The following MYRF variants were observed in gnomAD, a reference collection of about 807,000 sequenced individuals.
MYRF encodes the protein myelin regulatory factor.
A neutral mutation model predicts 126.3 loss-of-function variants in MYRF; 16 were observed. The ratio of observed to expected loss-of-function variants is 0.13; its 90% CI spans 0.09 to 0.19. MYRF has a LOEUF of 0.19. MYRF is among the 10% of genes least tolerant of loss of function. The pLI is 1.00. For missense variants in MYRF, 1,104 were observed against 1,547.0 expected (o/e 0.71, Z 4.80); for synonymous variants, 608 against 635.3 (o/e 0.96, Z 0.65).
At chr11:61,771,361 G>A (rs1213724393) in intron 5 of MYRF, 139 bp from the exon 6 acceptor site, 6 of 1,181,902 alleles carry the variant, frequency 5.1e-6, no homozygotes, top group Non-Finnish European at 7.0e-6. Context: ...CAAAGCCTGA[G>A]GGCTTCCTGA....
Position 61,778,153 on chromosome 11 carries a change from C to G in MYRF, c.1904-227C>G, listed in dbSNP as rs1413689008. Reference sequence around the variant, plus strand: ...CCCACTTGCCCTGGGATCCTTACCCCCAGGAATCCGCCCCACCCCAGCCCA... The same window carrying G: ...CCCACTTGCCCTGGGATCCTTACCCGCAGGAATCCGCCCCACCCCAGCCCA... On this transcript the variant is annotated intron_variant, in intron 13 of 26. Coordinates refer to ENST00000278836, the MANE Select transcript of MYRF (RefSeq NM_001127392.3). This position sits in a 1 kb window ranked among gnomAD's most constrained non-coding sequence, Gnocchi z 4.6. Among the ~76,000 whole-genome samples, 3 of 152,276 alleles carry G rather than the reference C, an allele frequency of 2.0e-5. No homozygotes were observed. The highest frequency in any genetic ancestry group is 2.0e-4 in the Admixed American group (3 of 15,308).
chr11:61,762,311 AGTT>A (rs1430371160), intron 1 of MYRF, among the ~76,000 whole-genome samples: 2 of 152,088 alleles, frequency 1.3e-5, no homozygotes, highest in Admixed American at 1.3e-4. Context: ...AGCAGTGGGA[AGTT>A]GTTGAAGGGT....
At position 61,779,875 on chromosome 11, in the gene MYRF, A is replaced by C; in HGVS notation, c.2281A>C (p.Ser761Arg). 6.2e-7 allele frequency: 1 copy of C among 1,614,132 alleles called. No homozygotes were observed. Among genetic ancestry groups the C allele is most frequent in the East Asian group, 2.2e-5 (1 of 44,876 alleles). ...CGTGGTTCCGGACCAGGCCTGCATC[A>C]GCCAGCGCTTCCTGCAGGGAACCAT... ...SSVVPDQACI[S>R]QRFLQGTIIA... The change falls in exon 17 of 27, where the codon AGC (serine) becomes CGC (arginine). Residue 761 changes from serine to arginine, a missense_variant. Transcript: ENST00000278836.
intron 22 of MYRF, chr11:61,782,153 C>T (rs1162025238): frequency 2.1e-5 from 6 of 286,732 alleles, no homozygotes; most frequent in East Asian, 5.7e-5. Context: ...GCTCCTCCTT[C>T]GCCATGCCAG....
rs768753742 is a variant in MYRF at position 61,771,554 on chromosome 11, C to A, written c.795C>A (p.Thr265=). 4 of 1,613,986 alleles carry A rather than the reference C, an allele frequency of 2.5e-6. No individual in the cohort carries two copies. In the South Asian group the frequency reaches 4.4e-5, roughly 18 times the overall value. The change falls in exon 6 of 27, where the codon ACC becomes ACA. Residue 265 remains threonine, a synonymous_variant. Transcript: ENST00000278836. ...KRKHSESPPS[T]LNAQMLNGMI... ...AGCACTCTGAATCCCCCCCCAGCAC[C>A]CTCAATGCCCAGATGCTGAATGGAA...
chr11:61,759,800 C>T (rs934272326), intron 1 of MYRF, among the ~76,000 whole-genome samples: 4 of 152,138 alleles, frequency 2.6e-5, no homozygotes, highest in South Asian at 2.1e-4. Flanking sequence ...GATAGAAAAA[C>T]GGCTCAAGAG....
chr11:61,779,395 A>G lies in MYRF; in HGVS notation c.2146A>G (p.Lys716Glu). 6.4e-7 allele frequency: 1 copy of G among 1,551,276 alleles called. No homozygotes were observed. Among genetic ancestry groups the G allele is most frequent in the South Asian group, 1.2e-5 (1 of 84,052 alleles). ...LAKLRRLDSL[K>E]STGSSGAFSH... ...CAAGCTGCGGCGGCTCGACAGCCTC[A>G]AGTCCACCGGCAGCTCGGGCGCCTT... is the stretch of plus-strand genomic sequence containing the variant. The change falls in exon 15 of 27, where the codon AAG (lysine) becomes GAG (glutamate). Residue 716 changes from lysine to glutamate, a missense_variant. Physicochemically the swap from Lys to Glu is moderately conservative, Grantham distance 56. Coordinates refer to ENST00000278836, the MANE Select transcript of MYRF (RefSeq NM_001127392.3).
intron 1 of MYRF, among the ~76,000 whole-genome samples, chr11:61,763,528 A>T (rs926257901): frequency 6.6e-6 from 1 of 152,186 alleles, no homozygotes; most frequent in Non-Finnish European, 1.5e-5. Context: ...TGAGTAACAC[A>T]CCGCAGGTGA....
chr11:61,780,474 G>C (rs1258421590), intron 18 of MYRF, among the ~76,000 whole-genome samples, 184 bp downstream of exon 18: 2 of 152,162 alleles, frequency 1.3e-5, no homozygotes, highest in Non-Finnish European at 2.9e-5. Context: ...CCCAGTCCCT[G>C]CTGACGCTGA....
rs143970369 is a variant in MYRF, at chr11:61,786,102, G to A, written c.3415G>A (p.Ala1139Thr). 1.2e-6 allele frequency: 2 copies of A among 1,614,090 alleles called. No individual in the cohort carries two copies. Among genetic ancestry groups the A allele is most frequent in the African/African-American group, 1.3e-5 (1 of 74,938 alleles). The change falls in exon 27 of 27, where the codon GCC (alanine) becomes ACC (threonine). Residue 1139 changes from alanine to threonine, a missense_variant. Coordinates refer to ENST00000278836, the MANE Select transcript of MYRF (RefSeq NM_001127392.3). This position sits in a 1 kb window ranked among gnomAD's most constrained non-coding sequence, Gnocchi z 4.5. ...NCSSEALAQP[A>T]TDYHFHFYRL... ...CAGTTCAGAGGCTCTCGCCCAGCCAGCCACAGACTACCACTTCCACTTCTA... is the reference window on the plus strand; with the variant it reads ...CAGTTCAGAGGCTCTCGCCCAGCCAACCACAGACTACCACTTCCACTTCTA...
rs770255152 is a variant in MYRF, at chr11:61,781,181, C to T, written c.2616C>T (p.Arg872=). 2 of 1,614,016 alleles carry T rather than the reference C, an allele frequency of 1.2e-6. No homozygotes were observed. Among genetic ancestry groups the T allele is most frequent in the East Asian group, 2.2e-5 (1 of 44,888 alleles). ...LTSSAPGSAV[R]TLDMCSSHPC... ...GCTCGGCCCCAGGTTCTGCTGTCCG[C>T]ACCTTGGACATGTGTTCCAGCCACC... Residue 872 remains arginine, a synonymous_variant, in exon 21 of 27, where the codon CGC becomes CGT. Transcript: ENST00000278836.
Position 61,786,439 on chromosome 11 carries a change from C to G in MYRF, c.*296C>G. On this transcript the variant is annotated 3_prime_UTR_variant, in exon 27 of 27. Coordinates refer to ENST00000278836, the MANE Select transcript of MYRF (RefSeq NM_001127392.3). This position sits in a 1 kb window ranked among gnomAD's most constrained non-coding sequence, Gnocchi z 4.5. ...CTTTCCAGATATGGTGGTTGGAGGGCTGGTTCAGGTGCCCTGGAGGGAAGG... is the reference window on the plus strand; with the variant it reads ...CTTTCCAGATATGGTGGTTGGAGGGGTGGTTCAGGTGCCCTGGAGGGAAGG... 1 of 441,718 alleles carries G rather than the reference C, an allele frequency of 2.3e-6. No individual in the cohort carries two copies. Among genetic ancestry groups the G allele is most frequent in the East Asian group, 4.1e-5 (1 of 24,472 alleles). 27.4% of individuals were successfully genotyped at this position (441,718 alleles called of 1,614,324 possible). A position where few individuals can be genotyped will look rare whatever the true frequency, so the allele number is the denominator to read the frequency against.
chr11:61,786,301 G>A lies in MYRF; in HGVS notation c.*158G>A. ...TGAAACTGGAAGTCTTCACACTGGAGTTGCTGTTCCAGCTGGTCGCCCCTC... is the reference window on the plus strand; with the variant it reads ...TGAAACTGGAAGTCTTCACACTGGAATTGCTGTTCCAGCTGGTCGCCCCTC... On this transcript the variant is annotated 3_prime_UTR_variant, in exon 27 of 27. Coordinates refer to ENST00000278836, the MANE Select transcript of MYRF (RefSeq NM_001127392.3). This position sits in a 1 kb window ranked among gnomAD's most constrained non-coding sequence, Gnocchi z 4.5. 2.8e-6 allele frequency: 2 copies of A among 719,726 alleles called. No individual in the cohort carries two copies. The highest frequency in any genetic ancestry group is 4.7e-6 in the Non-Finnish European group (2 of 428,296). The allele number at this position is 719,726 out of a possible 1,614,324, so 44.6% of individuals were successfully genotyped here.
rs752053715 is a variant in MYRF at position 61,783,815 on chromosome 11, T to C, written c.3120-36T>C. 1.3e-6 allele frequency: 2 copies of C among 1,561,780 alleles called. No homozygotes were observed. Among genetic ancestry groups the C allele is most frequent in the Admixed American group, 1.9e-5 (1 of 52,822 alleles). On this transcript the variant is annotated intron_variant, in intron 23 of 26. Coordinates refer to ENST00000278836, the MANE Select transcript of MYRF (RefSeq NM_001127392.3). This position sits in a 1 kb window ranked among gnomAD's most constrained non-coding sequence, Gnocchi z 4.6. ...CTGGTGGGGGTGGGGGGTGGCAGGG[T>C]ACCCTCAGGCTAAGGTGCCAGTTTT...
In MYRF at chr11:61,783,274, C is replaced by A; in HGVS notation, c.3017-224C>A. 1 of 437,704 alleles carries A rather than the reference C, an allele frequency of 2.3e-6. No homozygotes were observed. Among genetic ancestry groups the A allele is most frequent in the South Asian group, 3.5e-5 (1 of 28,612 alleles). 27.1% of individuals were successfully genotyped at this position (437,704 alleles called of 1,614,324 possible). A position where few individuals can be genotyped will look rare whatever the true frequency, so the allele number is the denominator to read the frequency against. On this transcript the variant is annotated intron_variant, in intron 22 of 26. Transcript: ENST00000278836. This position sits in a 1 kb window ranked among gnomAD's most constrained non-coding sequence, Gnocchi z 4.6. ...AGACCCATCCCTACTTCTGGGTGTT[C>A]CAGTTCTTTTGAGGAGGCAGACGTC... is the stretch of plus-strand genomic sequence containing the variant.
At position 61,774,101 on chromosome 11, in the gene MYRF, T is replaced by C. The variant is rs765907122; in HGVS notation, c.1250T>C (p.Val417Ala). Reference sequence around the variant, plus strand: ...GGCATGCTGGGCGAGCCCAAGTACGTCAAGACGCCCGAGGGCCTCAAGCCC... The same window carrying C: ...GGCATGCTGGGCGAGCCCAAGTACGCCAAGACGCCCGAGGGCCTCAAGCCC... ...YIGMLGEPKY[V>A]KTPEGLKPLD... Residue 417 changes from valine (V) to alanine (A), a missense_variant, in exon 8 of 27, where the codon GTC becomes GCC. Transcript: ENST00000278836. 6.2e-7 allele frequency: 1 copy of C among 1,613,712 alleles called. No homozygotes were observed. Among genetic ancestry groups the C allele is most frequent in the Non-Finnish European group, 8.5e-7 (1 of 1,179,896 alleles).
At chr11:61,768,296 C>T (rs1365751949) in intron 3 of MYRF, among the ~76,000 whole-genome samples, 2 of 152,144 alleles carry the variant, frequency 1.3e-5, no homozygotes, top group African/African-American at 4.8e-5. Context: ...CATGGGACTG[C>T]AGGGACTGCA....
rs1442397282 is a variant in MYRF at position 61,771,765 on chromosome 11, A to G, written c.991+15A>G. 1 of 1,612,496 alleles carries G rather than the reference A, an allele frequency of 6.2e-7. No individual in the cohort carries two copies. The highest frequency in any genetic ancestry group is 8.5e-7 in the Non-Finnish European group (1 of 1,178,940). Reference sequence around the variant, plus strand: ...CCCCTCCCCAGGTACATGGCTGGCCAACTCTTCAAGGTGGGGTGTGGGACC... The same window carrying G: ...CCCCTCCCCAGGTACATGGCTGGCCGACTCTTCAAGGTGGGGTGTGGGACC... On this transcript the variant is annotated intron_variant, in intron 6 of 26. Transcript: ENST00000278836.
chr11:61,773,897 A>G lies in MYRF; in HGVS notation c.1116-70A>G, dbSNP rs2066295864. ...GTGGGAAATGGTTTTGGAACCCAGC[A>G]GGTAGGAGGAACCGATGTTCCAGGC... On this transcript the variant is annotated intron_variant, in intron 7 of 26. Transcript: ENST00000278836. 2.9e-6 allele frequency: 4 copies of G among 1,371,112 alleles called. No homozygotes were observed. In the South Asian group the frequency reaches 3.9e-5, roughly 13 times the overall value. 84.9% of individuals were successfully genotyped at this position (1,371,112 alleles called of 1,614,324 possible).
Sources: gnomAD v4.1 joint callset for allele counts (sites outside exome capture counted in the v4.1 genomes callset) on GRCh38, gnomAD v4.1.1 for gene constraint, Gnocchi (gnomAD v3.1) non-coding constraint, MANE v1.5 for transcripts, NCBI Gene and HGNC (gene_info 2026-07-23, HGNC 2026-07-21) for gene names.